RIMBP2: variants seen among roughly 807,000 people sequenced by gnomAD.
RIMBP2 encodes the protein RIMS binding protein 2.
RIMBP2 carries 48 observed loss-of-function variants against 118.6 expected under a neutral mutation model. The observed-to-expected ratio is 0.40, with a 90% CI of 0.32 to 0.51. The LOEUF (loss-of-function observed/expected upper bound fraction) is 0.51, where lower values mean the gene tolerates loss of function less well. Among genes scored for constraint, RIMBP2 ranks in the 20% least tolerant of loss-of-function variants. RIMBP2 has a pLI of 0.41. For missense variants in RIMBP2, 1,551 were observed against 1,768.3 expected, an observed-to-expected ratio of 0.88 and a Z score of 2.20; for synonymous variants, 762 against 742.9, an observed-to-expected ratio of 1.03 and a Z score of -0.42.
At chr12:130,574,880 C>G (rs1362445084) in intron 2 of RIMBP2, among the ~76,000 whole-genome samples, 1 of 152,070 alleles carries the variant, frequency 6.6e-6, no homozygotes, top group Non-Finnish European at 1.5e-5. Context: ...TAGCTAGGCC[C>G]ATGCGGCCAG....
chr12:130,706,851 T>C (rs1168597620), intron 1 of RIMBP2, among the ~76,000 whole-genome samples: 1 of 152,200 alleles, frequency 6.6e-6, no homozygotes, highest in Non-Finnish European at 1.5e-5. Flanking sequence ...CAGCCGCCAG[T>C]GGTCCCAAAT....
chr12:130,711,005 G>A (rs904092315), intron 1 of RIMBP2, among the ~76,000 whole-genome samples: 3 of 152,226 alleles, frequency 2.0e-5, no homozygotes, highest in African/African-American at 7.2e-5. Flanking sequence ...CATTTTGGGA[G>A]GCCAAGGTGG....
intron 2 of RIMBP2, among the ~76,000 whole-genome samples, chr12:130,598,652 C>T (rs7958988): frequency 0.02 from 2,986 of 151,740 alleles, 110 homozygotes; most frequent in African/African-American, 0.07. Context: ...GGCGTGAACC[C>T]GGGAGGCGGA....
chr12:130,516,292 G>T (rs868867676), intron 3 of RIMBP2, among the ~76,000 whole-genome samples: 1 of 152,138 alleles, frequency 6.6e-6, no homozygotes, highest in Non-Finnish European at 1.5e-5. Flanking sequence ...ATATGCATGG[G>T]CAAAGCTGCA....
chr12:130,587,844 A>G (rs1163030783), intron 2 of RIMBP2, among the ~76,000 whole-genome samples: 8 of 142,926 alleles, frequency 5.6e-5, no homozygotes, highest in African/African-American at 1.6e-4. Flanking sequence ...AAAAAAAAAG[A>G]AAAAAAAAAG....
rs1223744375 is a variant in RIMBP2, at chr12:130,620,561, G to C, written c.-217+7761C>G. ...TCCCAGGGGCCAGATGCCCAAGCTCGGGGTGTCGGCAGGGCTGCTCCTCAG... is the reference window on the plus strand; with the variant it reads ...TCCCAGGGGCCAGATGCCCAAGCTCCGGGTGTCGGCAGGGCTGCTCCTCAG... On this transcript the variant is annotated intron_variant, in intron 2 of 22. Transcript: ENST00000690449. The surrounding 1 kb of genome is among the most constrained non-coding windows in gnomAD (Gnocchi z 5.3). Among the ~76,000 whole-genome samples, 1 of 152,142 alleles carries C rather than the reference G, an allele frequency of 6.6e-6. No individual in the cohort carries two copies. Among genetic ancestry groups the C allele is most frequent in the African/African-American group, 2.4e-5 (1 of 41,444 alleles).
At chr12:130,643,017 G>A (rs2062692905) in intron 1 of RIMBP2, among the ~76,000 whole-genome samples, 1 of 152,206 alleles carries the variant, frequency 6.6e-6, no homozygotes, top group Non-Finnish European at 1.5e-5. Context: ...TCTCGGACTG[G>A]ACACATTCCA....
At position 130,623,799 on chromosome 12, in the gene RIMBP2, G is replaced by A. The variant is rs1455803818; in HGVS notation, c.-217+4523C>T. 6.6e-6 allele frequency among the ~76,000 whole-genome samples: 1 copy of A among 152,146 alleles called. No homozygotes were observed. The highest frequency in any genetic ancestry group is 1.5e-5 in the Non-Finnish European group (1 of 68,044). ...AGACCGCCTCAGCCAAGTGAAGAGT[G>A]CTGGTGGATAAATACCCCAGCTCCC... On this transcript the variant is annotated intron_variant, in intron 2 of 22. Coordinates refer to ENST00000690449, the MANE Select transcript of RIMBP2 (RefSeq NM_001393629.1). This position sits in a 1 kb window ranked among gnomAD's most constrained non-coding sequence, Gnocchi z 4.1.
rs1015597994 is a variant in RIMBP2 at position 130,670,208 on chromosome 12, G to A, written c.-351-41752C>T. On this transcript the variant is annotated intron_variant, in intron 1 of 22. Coordinates refer to ENST00000690449, the MANE Select transcript of RIMBP2 (RefSeq NM_001393629.1). This position sits in a 1 kb window ranked among gnomAD's most constrained non-coding sequence, Gnocchi z 4.9. ...GGAAGAGGCCCTCCCTTGAGCTCTG[G>A]GAGGGAGCACAGCCCCGCCGACACC... Among the ~76,000 whole-genome samples, 1 of 152,016 alleles carries A rather than the reference G, an allele frequency of 6.6e-6. No homozygotes were observed. Among genetic ancestry groups the A allele is most frequent in the Non-Finnish European group, 1.5e-5 (1 of 67,984 alleles).
At chr12:130,656,976 C>T (rs191221247) in intron 1 of RIMBP2, among the ~76,000 whole-genome samples, 175 of 152,358 alleles carry the variant, frequency 1.1e-3, no homozygotes, top group African/African-American at 4.0e-3. Flanking sequence ...TAGCTCACTG[C>T]ATTGAACTCC....
At chr12:130,532,916 C>A (rs1262040234) in intron 2 of RIMBP2, among the ~76,000 whole-genome samples, 1 of 149,824 alleles carries the variant, frequency 6.7e-6, no homozygotes, top group African/African-American at 2.5e-5. Flanking sequence ...TAATGAGATG[C>A]GTGTGTTTAG....
chr12:130,715,760 C>CG (rs1040251314), intron 1 of RIMBP2, among the ~76,000 whole-genome samples: 1 of 134,908 alleles, frequency 7.4e-6, no homozygotes, highest in Admixed American at 7.3e-5. Context: ...CCCCTTCCCC[C>CG]CCTCCACCCC....
Position 130,451,175 on chromosome 12 carries a change from C to G in RIMBP2, c.504+20G>C, listed in dbSNP as rs769372962. On this transcript the variant is annotated intron_variant, in intron 8 of 22. Coordinates refer to ENST00000690449, the MANE Select transcript of RIMBP2 (RefSeq NM_001393629.1). Reference sequence around the variant, plus strand: ...ACACAGCACAGGCAGCCCCGGCAGCCCCTGCGGGACGGGACTCACGTCTGA... The same window carrying G: ...ACACAGCACAGGCAGCCCCGGCAGCGCCTGCGGGACGGGACTCACGTCTGA... 2 of 1,610,068 alleles carry G rather than the reference C, an allele frequency of 1.2e-6. No individual in the cohort carries two copies. The highest frequency in any genetic ancestry group is 1.7e-6 in the Non-Finnish European group (2 of 1,177,490).
In RIMBP2 at chr12:130,442,450, G is replaced by A. The variant is rs2078208896; in HGVS notation, c.902C>T (p.Thr301Ile). The change falls in exon 11 of 23, where the codon ACC becomes ATC. Residue 301 changes from threonine (T) to isoleucine (I), a missense_variant. Thr to Ile is a moderately conservative substitution (Grantham distance 89, BLOSUM62 -1). Transcript: ENST00000690449. This position sits in a 1 kb window ranked among gnomAD's most constrained non-coding sequence, Gnocchi z 6.9. ...DAGITDNSAG[T>I]LDVNIDDIGE... ...GATGTCGTCGATGTTCACGTCCAGG[G>A]TCCCGGCACTGTTGTCGGTGATGCC... The A allele has an allele frequency of 1.2e-6, 2 of 1,614,036 alleles. No homozygotes were observed. The highest frequency in any genetic ancestry group is 1.7e-6 in the Non-Finnish European group (2 of 1,180,040).
Position 130,442,716 on chromosome 12 carries a change from C to T in RIMBP2, c.692-56G>A. On this transcript the variant is annotated intron_variant, in intron 10 of 22. Coordinates refer to ENST00000690449, the MANE Select transcript of RIMBP2 (RefSeq NM_001393629.1). This position sits in a 1 kb window ranked among gnomAD's most constrained non-coding sequence, Gnocchi z 6.9. ...AGCCAACACAGCAGGGGCCTCGAGGCCCCCAGTGTACTCCCACCTCCCCCA... is the reference window on the plus strand; with the variant it reads ...AGCCAACACAGCAGGGGCCTCGAGGTCCCCAGTGTACTCCCACCTCCCCCA... 2.1e-6 allele frequency: 3 copies of T among 1,457,406 alleles called. No individual in the cohort carries two copies. The highest frequency in any genetic ancestry group is 2.8e-6 in the Non-Finnish European group (3 of 1,063,420). The allele number at this position is 1,457,406 out of a possible 1,614,324, so 90.3% of individuals were successfully genotyped here.
chr12:130,694,845 G>T (rs2065493937), intron 1 of RIMBP2, among the ~76,000 whole-genome samples: 1 of 152,196 alleles, frequency 6.6e-6, no homozygotes, highest in African/African-American at 2.4e-5. Context: ...GGACAGCCAT[G>T]TTCTTAGCCC....
At chr12:130,687,552 T>A (rs1239257652) in intron 1 of RIMBP2, among the ~76,000 whole-genome samples, 1 of 152,204 alleles carries the variant, frequency 6.6e-6, no homozygotes, top group Non-Finnish European at 1.5e-5. Context: ...TGATGTGTAT[T>A]TTCCTAGATG....
intron 4 of RIMBP2, among the ~76,000 whole-genome samples, chr12:130,497,836 G>T (rs2049334827): frequency 6.6e-6 from 1 of 152,190 alleles, no homozygotes; most frequent in South Asian, 2.1e-4. Context: ...AGACTCCTGT[G>T]CCAGGACCTA....
Position 130,622,148 on chromosome 12 carries a change from C to CA in RIMBP2, c.-217+6173dup, listed in dbSNP as rs2061355823. On this transcript the variant is annotated intron_variant, in intron 2 of 22. Transcript: ENST00000690449. This position sits in a 1 kb window ranked among gnomAD's most constrained non-coding sequence, Gnocchi z 8.5. ...AGACAGTTAGTCTTGGGGTCCTGACCAAAAATGAGCCCTGAGAACTTGCAG... is the reference window on the plus strand; with the variant it reads ...AGACAGTTAGTCTTGGGGTCCTGACCAAAAAATGAGCCCTGAGAACTTGCAG... 6.6e-6 allele frequency among the ~76,000 whole-genome samples: 1 copy of CA among 152,098 alleles called. No individual in the cohort carries two copies. The highest frequency in any genetic ancestry group is 2.4e-5 in the African/African-American group (1 of 41,414).
Sources: gnomAD v4.1 joint callset for allele counts (sites outside exome capture counted in the v4.1 genomes callset) on GRCh38, gnomAD v4.1.1 for gene constraint, Gnocchi (gnomAD v3.1) non-coding constraint, MANE v1.5 for transcripts, NCBI Gene and HGNC (gene_info 2026-07-23, HGNC 2026-07-21) for gene names.